ARHGEF3: variants seen among roughly 807,000 people sequenced by gnomAD.
The protein encoded by ARHGEF3 is Rho guanine nucleotide exchange factor 3.
ARHGEF3 carries 28 observed loss-of-function variants against 63.2 expected under a neutral mutation model. The observed-to-expected ratio is 0.44, with a 90% CI of 0.33 to 0.61. The LOEUF is 0.61. Among genes scored for constraint, ARHGEF3 ranks in the 20% least tolerant of loss-of-function variants. The pLI, the probability that ARHGEF3 is intolerant of heterozygous loss-of-function variation, is 0.03. For missense variants in ARHGEF3, 533 were observed against 659.3 expected, an observed-to-expected ratio of 0.81 and a Z score of 2.10; for synonymous variants, 266 against 254.2, an observed-to-expected ratio of 1.05 and a Z score of -0.44.
chr3:56,767,379 G>A (rs2035760374), intron 2 of ARHGEF3, among the ~76,000 whole-genome samples: 1 of 151,798 alleles, frequency 6.6e-6, no homozygotes, highest in African/African-American at 2.4e-5. Context: ...TCAGGAGATT[G>A]AGGCCATCCT....
At chr3:56,916,108 T>A (rs1382640161) in intron 3 of ARHGEF3, among the ~76,000 whole-genome samples, 1 of 152,180 alleles carries the variant, frequency 6.6e-6, no homozygotes, top group Non-Finnish European at 1.5e-5. Flanking sequence ...AGCCACACAG[T>A]GCTCTTCTGA....
At chr3:56,891,062 G>C (rs962438309) in intron 3 of ARHGEF3, among the ~76,000 whole-genome samples, 1 of 151,826 alleles carries the variant, frequency 6.6e-6, no homozygotes, top group Non-Finnish European at 1.5e-5. Context: ...GCTGGAACTT[G>C]ACTTGCTAAA....
intron 4 of ARHGEF3, among the ~76,000 whole-genome samples, chr3:56,829,577 C>G (rs1391799745): frequency 6.6e-6 from 1 of 152,266 alleles, no homozygotes; most frequent in East Asian, 1.9e-4. Flanking sequence ...GTAATAATGC[C>G]TCCCGAAGAA....
At chr3:56,736,311 A>C (rs553017597) in intron 8 of ARHGEF3, among the ~76,000 whole-genome samples, 25 of 152,214 alleles carry the variant, frequency 1.6e-4, no homozygotes, top group Non-Finnish European at 3.5e-4. Context: ...CACTATATTA[A>C]GTGCTCCAAG....
At chr3:56,825,374 T>C in intron 4 of ARHGEF3, among the ~76,000 whole-genome samples, 1 of 152,172 alleles carries the variant, frequency 6.6e-6, no homozygotes, top group Non-Finnish European at 1.5e-5. Context: ...AATTTAAGAA[T>C]CCAGCCCAAT....
chr3:56,960,819 G>A (rs1174262447), intron 2 of ARHGEF3: 2 of 152,194 alleles, frequency 1.3e-5, no homozygotes, highest in Non-Finnish European at 2.9e-5. Context: ...GTTGGCCTAA[G>A]TCCTTCTGAA....
At chr3:56,792,355 T>C (rs1275485365) in intron 1 of ARHGEF3, among the ~76,000 whole-genome samples, 1 of 152,206 alleles carries the variant, frequency 6.6e-6, no homozygotes, top group Non-Finnish European at 1.5e-5. Context: ...ACTAGGGTAT[T>C]TCTGTTTGCT....
chr3:56,902,494 C>A (rs1424961369), intron 3 of ARHGEF3, among the ~76,000 whole-genome samples: 1 of 152,200 alleles, frequency 6.6e-6, no homozygotes, highest in East Asian at 1.9e-4. Flanking sequence ...GAACTGTACC[C>A]CTCTCCCTAC....
intron 2 of ARHGEF3, among the ~76,000 whole-genome samples, chr3:56,999,236 G>A (rs1702100348): frequency 6.6e-6 from 1 of 152,068 alleles, no homozygotes; most frequent in African/African-American, 2.4e-5. Flanking sequence ...CTTCTTAGTA[G>A]AGATGGGTTT....
chr3:56,903,659 T>G (rs1263678126), intron 3 of ARHGEF3, among the ~76,000 whole-genome samples: 1 of 152,216 alleles, frequency 6.6e-6, no homozygotes, highest in East Asian at 1.9e-4. Flanking sequence ...TGCCTGACCC[T>G]TGTTTGGATA....
chr3:57,037,564 G>A (rs547377886), intron 1 of ARHGEF3, among the ~76,000 whole-genome samples: 1 of 152,310 alleles, frequency 6.6e-6, no homozygotes, highest in African/African-American at 2.4e-5. Context: ...ATATTCTGTA[G>A]ACAGGCACCA....
At chr3:56,994,553 C>T (rs1342739218) in intron 2 of ARHGEF3, among the ~76,000 whole-genome samples, 2 of 152,180 alleles carry the variant, frequency 1.3e-5, no homozygotes, top group Non-Finnish European at 2.9e-5. Flanking sequence ...TTTCCCTTTT[C>T]CCTCTTGGAA....
intron 8 of ARHGEF3, among the ~76,000 whole-genome samples, chr3:56,735,750 C>T (rs2033574401): frequency 6.6e-6 from 1 of 152,180 alleles, no homozygotes. Context: ...TCTAGTCCCA[C>T]AGACACACGT....
intron 4 of ARHGEF3, among the ~76,000 whole-genome samples, chr3:56,881,942 TA>T (rs2040777829): frequency 6.6e-6 from 1 of 152,236 alleles, no homozygotes; most frequent in Admixed American, 6.5e-5. Context: ...GCCAAGCCAC[TA>T]ACTTTCCCCC....
At chr3:56,999,238 G>A (rs1269107857) in intron 2 of ARHGEF3, among the ~76,000 whole-genome samples, 1 of 152,080 alleles carries the variant, frequency 6.6e-6, no homozygotes, top group Admixed American at 6.5e-5. Context: ...TCTTAGTAGA[G>A]ATGGGTTTCA....
chr3:56,889,001 G>C (rs957516978), intron 3 of ARHGEF3, among the ~76,000 whole-genome samples: 1 of 152,118 alleles, frequency 6.6e-6, no homozygotes, highest in Non-Finnish European at 1.5e-5. Flanking sequence ...CCAATGGGAG[G>C]TCTCATGGAG....
chr3:56,936,219 C>T (rs570740149), intron 3 of ARHGEF3, among the ~76,000 whole-genome samples: 1 of 152,086 alleles, frequency 6.6e-6, no homozygotes, highest in Non-Finnish European at 1.5e-5. Context: ...TCATGACAAG[C>T]CCAACAGTGC....
chr3:56,926,760 C>T (rs1224886630), intron 3 of ARHGEF3, among the ~76,000 whole-genome samples: 5 of 152,250 alleles, frequency 3.3e-5, no homozygotes, highest in Non-Finnish European at 7.3e-5. Context: ...ACAAGAACCT[C>T]ACCTCTGGGT....
chr3:56,805,654 T>A (rs1193529483), upstream of ARHGEF3, among the ~76,000 whole-genome samples: 1 of 152,214 alleles, frequency 6.6e-6, no homozygotes, highest in Non-Finnish European at 1.5e-5. Flanking sequence ...TTTCTTTGCT[T>A]TCCTTAAAAT....
Sources: allele counts gnomAD v4.1 joint callset (sites outside exome capture counted in the v4.1 genomes callset), GRCh38; gene constraint gnomAD v4.1.1; transcripts MANE v1.5; gene names NCBI Gene and HGNC (gene_info 2026-07-23, HGNC 2026-07-21).